The following PCDHGA9 variants were observed in gnomAD, a reference collection of about 807,000 sequenced individuals.
PCDHGA9 encodes the protein protocadherin gamma-A9.
In PCDHGA9, 37 loss-of-function variants were observed where a neutral mutation model predicts 62.5. That is an observed-to-expected ratio of 0.59 (90% CI 0.46 to 0.78). The LOEUF (loss-of-function observed/expected upper bound fraction) is 0.78. Among genes scored for constraint, PCDHGA9 ranks in the 30% least tolerant of loss-of-function variants. The probability of loss-of-function intolerance (pLI) is 0.00; values close to 1 mark genes in which losing one functional copy is unlikely to be tolerated. For synonymous variants in PCDHGA9, 459 were observed against 484.6 expected (o/e 0.95, Z 0.69); for missense variants, 1,138 against 1,166.2 (o/e 0.98, Z 0.35).
At chr5:141,473,167 C>T (rs1360150717) in intron 1 of PCDHGA9, among the ~76,000 whole-genome samples, 2 of 152,122 alleles carry the variant, frequency 1.3e-5, no homozygotes. Flanking sequence ...TAGGAAGGCC[C>T]ACTGGTAACT....
intron 1 of PCDHGA9, chr5:141,439,845 T>C (rs983341549): frequency 6.6e-6 from 1 of 152,252 alleles, no homozygotes; most frequent in Non-Finnish European, 1.5e-5. Flanking sequence ...ACTCTAACTG[T>C]GGAAAAGGTG....
rs201825683 is a variant in PCDHGA9 at position 141,404,916 on chromosome 5, C to T, written c.1964C>T (p.Ser655Leu). The T allele has an allele frequency of 1.5e-4, 243 of 1,613,780 alleles. No homozygotes were observed. The highest frequency in any genetic ancestry group is 1.1e-4 in the Non-Finnish European group (126 of 1,179,862). ...CAGGACCATGGCCAGCCCCCTCTCTCGGCCACTGTCACGCTCACAGTAGCC... is the reference window on the plus strand; with the variant it reads ...CAGGACCATGGCCAGCCCCCTCTCTTGGCCACTGTCACGCTCACAGTAGCC... ...AVQDHGQPPLSATVTLTVAIA... is the reference protein window; with the variant it reads ...AVQDHGQPPLLATVTLTVAIA... The change falls in exon 1 of 4, where the codon TCG becomes TTG. Residue 655 changes from serine (S) to leucine (L), a missense_variant. Transcript: ENST00000573521.
intron 1 of PCDHGA9, chr5:141,411,445 G>A (rs926329934): frequency 1.3e-5 from 2 of 151,656 alleles, no homozygotes; most frequent in South Asian, 2.1e-4. Flanking sequence ...TTAGCAGAGT[G>A]TGGTAGCATT....
At chr5:141,508,700 CCT>C in intron 3 of PCDHGA9, among the ~76,000 whole-genome samples, 1 of 152,158 alleles carries the variant, frequency 6.6e-6, no homozygotes, top group Non-Finnish European at 1.5e-5. Flanking sequence ...CCGTGTTCCT[CCT>C]CATTCTTTTC....
At chr5:141,501,288 T>TATACAC (rs201660636) in intron 2 of PCDHGA9, among the ~76,000 whole-genome samples, 3,536 of 81,176 alleles carry the variant, frequency 0.044, 56 homozygotes, top group Admixed American at 0.065. Flanking sequence ...GATATTCCCT[T>TATACAC]ATACACACAC....
Position 141,477,934 on chromosome 5 carries a change from C to T in PCDHGA9, c.2425-16873C>T. Reference sequence around the variant, plus strand: ...CGGATGCAGGGCACAATGCCTGGCTCTCCTACAGTCTCTTGGGATCCCCTA... The same window carrying T: ...CGGATGCAGGGCACAATGCCTGGCTTTCCTACAGTCTCTTGGGATCCCCTA... On this transcript the variant is annotated intron_variant, in intron 1 of 3. Coordinates refer to ENST00000573521, the MANE Select transcript of PCDHGA9 (RefSeq NM_018921.3). This position sits in a 1 kb window ranked among gnomAD's most constrained non-coding sequence, Gnocchi z 4.9. 3.1e-6 allele frequency: 5 copies of T among 1,614,204 alleles called. No individual in the cohort carries two copies. The highest frequency in any genetic ancestry group is 4.2e-6 in the Non-Finnish European group (5 of 1,180,036).
rs530054362 is a variant in PCDHGA9 at position 141,486,066 on chromosome 5, C to G, written c.2425-8741C>G. ...AGAAACCTCTTTAGCCTGCACCCCACTACTGGAAAGCTTACTCTTTTGGGG... is the reference window on the plus strand; with the variant it reads ...AGAAACCTCTTTAGCCTGCACCCCAGTACTGGAAAGCTTACTCTTTTGGGG... On this transcript the variant is annotated intron_variant, in intron 1 of 3. Coordinates refer to ENST00000573521, the MANE Select transcript of PCDHGA9 (RefSeq NM_018921.3). This position sits in a 1 kb window ranked among gnomAD's most constrained non-coding sequence, Gnocchi z 5.0. The G allele has an allele frequency of 3.1e-6, 5 of 1,614,166 alleles. No homozygotes were observed. In the African/African-American group the frequency reaches 5.3e-5, roughly 17 times the overall value.
At chr5:141,473,944 CTGTA>C (rs2099333270) in intron 1 of PCDHGA9, among the ~76,000 whole-genome samples, 2 of 152,156 alleles carry the variant, frequency 1.3e-5, no homozygotes, top group Non-Finnish European at 2.9e-5. Context: ...TAGCTCAGGC[CTGTA>C]GTCCCATCTA....
At chr5:141,481,649 C>G (rs1199734660) in intron 1 of PCDHGA9, among the ~76,000 whole-genome samples, 1 of 152,012 alleles carries the variant, frequency 6.6e-6, no homozygotes, top group African/African-American at 2.4e-5. Flanking sequence ...GAAACTTCAT[C>G]TCTACTAATA....
Position 141,510,985 on chromosome 5 carries a change from G to A in PCDHGA9, c.2611G>A (p.Gly871Ser), listed in dbSNP as rs1278517639. Residue 871 changes from glycine to serine, a missense_variant, in exon 4 of 4, where the codon GGC becomes AGC. Transcript: ENST00000573521. ...DGSSTLGGGA[G>S]TMGLSARYGP... ...GAGCTCCACCCTGGGAGGGGGTGCCGGCACCATGGGATTGAGCGCCCGCTA... is the reference window on the plus strand; with the variant it reads ...GAGCTCCACCCTGGGAGGGGGTGCCAGCACCATGGGATTGAGCGCCCGCTA... 19 of 1,614,090 alleles carry A rather than the reference G, an allele frequency of 1.2e-5. No individual in the cohort carries two copies. The highest frequency in any genetic ancestry group is 2.2e-5 in the East Asian group (1 of 44,880).
At chr5:141,440,593 T>C (rs1456640262) in intron 1 of PCDHGA9, 1 of 152,202 alleles carries the variant, frequency 6.6e-6, no homozygotes, top group African/African-American at 2.4e-5. Context: ...TGGAACAAGA[T>C]TTGCAACAGA....
chr5:141,420,238 T>C, intron 1 of PCDHGA9: 2 of 1,594,838 alleles, frequency 1.3e-6, no homozygotes, highest in South Asian at 1.1e-5. Context: ...GCATTTTAAC[T>C]CCCAGCGTTG....
chr5:141,458,933 A>G (rs920768063), intron 1 of PCDHGA9, among the ~76,000 whole-genome samples: 3 of 151,912 alleles, frequency 2.0e-5, no homozygotes, highest in Admixed American at 6.6e-5. Flanking sequence ...GGGTCTCACT[A>G]TGTTGCTTAG....
chr5:141,418,916 T>C (rs766021059), intron 1 of PCDHGA9: 26 of 1,613,830 alleles, frequency 1.6e-5, no homozygotes, highest in Non-Finnish European at 1.7e-6. Context: ...CACGTCACTC[T>C]CTGATCAGAT....
In PCDHGA9 at chr5:141,505,380, A is replaced by C; in HGVS notation, c.2484-13A>C. On this transcript the variant is annotated splice_polypyrimidine_tract_variant and intron_variant, in intron 2 of 3. Coordinates refer to ENST00000573521, the MANE Select transcript of PCDHGA9 (RefSeq NM_018921.3). ...CCTGGGAGTCTGTGCTCACCATCCT[A>C]CTCTCTCCCCAGCTCCCAAAATGGC... 1 of 1,613,480 alleles carries C rather than the reference A, an allele frequency of 6.2e-7. No homozygotes were observed. Among genetic ancestry groups the C allele is most frequent in the Non-Finnish European group, 8.5e-7 (1 of 1,179,856 alleles).
At position 141,437,741 on chromosome 5, in the gene PCDHGA9, C is replaced by CTT. The variant is rs35124340; in HGVS notation, c.2424+32379_2424+32380dup. 4.3e-3 allele frequency among the ~76,000 whole-genome samples: 606 copies of CTT among 141,726 alleles called. 5 individuals are homozygous for CTT. The highest frequency in any genetic ancestry group is 0.012 in the Admixed American group (164 of 14,230). 93.0% of individuals were successfully genotyped at this position (141,726 alleles called of 152,430 possible). A position where few individuals can be genotyped will look rare whatever the true frequency, so the allele number is the denominator to read the frequency against. On this transcript the variant is annotated intron_variant, in intron 1 of 3. Transcript: ENST00000573521. ...CTCTAATGTTACACTTTGAGTTCAC[C>CTT]TTTTTTTTTTTTTTTGAGACAGAGT...
intron 1 of PCDHGA9, among the ~76,000 whole-genome samples, chr5:141,407,392 A>G (rs1427023659): frequency 6.6e-6 from 1 of 152,226 alleles, no homozygotes; most frequent in Non-Finnish European, 1.5e-5. Flanking sequence ...ATGTCATGGT[A>G]GGTAGTTACT....
chr5:141,464,310 A>T lies in PCDHGA9; in HGVS notation c.2425-30497A>T, dbSNP rs1327900308. ...AAAAAACTCCATTGTATGTGCACAT[A>T]TCATTATCTGTTCAACCCATCTATG... On this transcript the variant is annotated intron_variant, in intron 1 of 3. Coordinates refer to ENST00000573521, the MANE Select transcript of PCDHGA9 (RefSeq NM_018921.3). 2.0e-5 allele frequency among the ~76,000 whole-genome samples: 3 copies of T among 151,494 alleles called. No homozygotes were observed. The East Asian group carries it at 5.8e-4, about 29-fold the overall frequency.
intron 1 of PCDHGA9, chr5:141,415,740 GTTTTTTTTTTTTTTTTTTTTT>G: frequency 1.6e-6 from 1 of 617,990 alleles, no homozygotes; most frequent in Non-Finnish European, 2.1e-6. Context: ...GTTTATTAAG[GTTTTTTTTTTTTTTTTTTTTT>G]TTTTTTTTTT....
Sources: allele counts gnomAD v4.1 joint callset (sites outside exome capture counted in the v4.1 genomes callset), GRCh38; gene constraint gnomAD v4.1.1; non-coding constraint Gnocchi (gnomAD v3.1); transcripts MANE v1.5; gene names NCBI Gene and HGNC (gene_info 2026-07-23, HGNC 2026-07-21).